Variants in RAD51B observed in about 807,000 individuals in gnomAD.
RAD51B encodes DNA repair protein RAD51 homolog 2.
RAD51B carries 38 observed loss-of-function variants against 42.2 expected under a neutral mutation model. The observed-to-expected ratio is 0.90, with a 90% CI of 0.70 to 1.18. RAD51B has a LOEUF of 1.18. RAD51B is among the 50% of genes most tolerant of loss of function. The pLI is 0.00. For missense variants in RAD51B, 373 were observed against 400.7 expected (o/e 0.93, Z 0.59); for synonymous variants, 154 against 145.2 (o/e 1.06, Z -0.43).
intron 7 of RAD51B, among the ~76,000 whole-genome samples, chr14:68,175,553 T>C (rs532387135): frequency 6.6e-6 from 1 of 152,306 alleles, no homozygotes; most frequent in East Asian, 1.9e-4. Flanking sequence ...ACATATTCTG[T>C]GATTCATTTC....
chr14:67,854,186 C>T (rs2041911094), intron 4 of RAD51B, among the ~76,000 whole-genome samples: 2 of 152,178 alleles, frequency 1.3e-5, no homozygotes, highest in African/African-American at 2.4e-5. Context: ...TACTGTATAT[C>T]TGTTTTTGTA....
intron 7 of RAD51B, among the ~76,000 whole-genome samples, chr14:68,248,772 G>C (rs191716021): frequency 2.4e-3 from 363 of 152,336 alleles, no homozygotes; most frequent in Non-Finnish European, 3.9e-3. Context: ...CTGTCTTTAA[G>C]ATTTCCATCT....
intron 5 of RAD51B, among the ~76,000 whole-genome samples, chr14:67,867,632 C>A (rs573322793): frequency 7.9e-5 from 12 of 152,152 alleles, no homozygotes; most frequent in Non-Finnish European, 1.6e-4. Flanking sequence ...AGAAGATCGT[C>A]GTAACAATCA....
chr14:68,224,572 T>C (rs994051126), intron 7 of RAD51B, among the ~76,000 whole-genome samples: 1 of 152,218 alleles, frequency 6.6e-6, no homozygotes, highest in African/African-American at 2.4e-5. Context: ...AAGTACTGTA[T>C]GCATAAGTAG....
intron 8 of RAD51B, among the ~76,000 whole-genome samples, chr14:68,381,848 A>T (rs533364002): frequency 1.3e-4 from 20 of 152,296 alleles, no homozygotes; most frequent in African/African-American, 4.1e-4. Context: ...ATTTAGGAGG[A>T]AACAGCTTCT....
At chr14:68,343,000 A>G (rs1439443807) in intron 8 of RAD51B, among the ~76,000 whole-genome samples, 1 of 146,244 alleles carries the variant, frequency 6.8e-6, no homozygotes, top group Non-Finnish European at 1.5e-5. Flanking sequence ...TTTTTTGCTT[A>G]TTTTTAAATT....
At chr14:68,125,313 G>C (rs1459806278) in intron 7 of RAD51B, 1 of 152,184 alleles carries the variant, frequency 6.6e-6, no homozygotes, top group East Asian at 1.9e-4. Flanking sequence ...ATTCCTCTCA[G>C]ATGCCAGATA....
intron 9 of RAD51B, among the ~76,000 whole-genome samples, chr14:68,450,479 G>A (rs1022210308): frequency 5.9e-5 from 9 of 152,084 alleles, no homozygotes; most frequent in Admixed American, 5.2e-4. Flanking sequence ...TTGGCCGCCC[G>A]AAGTGCTGGG....
At position 68,502,046 on chromosome 14, in the gene RAD51B, G is replaced by A. The variant is rs73280314; in HGVS notation, c.1036+33796G>A. Among the ~76,000 whole-genome samples the A allele has an allele frequency of 5.8e-3, 878 of 152,362 alleles. 14 individuals carry two copies. Among genetic ancestry groups the A allele is most frequent in the African/African-American group, 0.02 (818 of 41,584 alleles). Reference sequence around the variant, plus strand: ...CCGGTCACCTTTATCTGGGCTGGAAGGCCACGTCTGAGCCATCAAAGGAGC... The same window carrying A: ...CCGGTCACCTTTATCTGGGCTGGAAAGCCACGTCTGAGCCATCAAAGGAGC... On this transcript the variant is annotated intron_variant, in intron 10 of 10. Coordinates refer to the RAD51B transcript ENST00000487270.
chr14:67,928,730 G>C (rs746706640), intron 7 of RAD51B, among the ~76,000 whole-genome samples: 1 of 151,684 alleles, frequency 6.6e-6, no homozygotes, highest in African/African-American at 2.4e-5. Flanking sequence ...TCTTTAAGCC[G>C]CCTTTTCTGT....
chr14:67,967,552 T>C (rs994905978), intron 7 of RAD51B, among the ~76,000 whole-genome samples: 1 of 152,138 alleles, frequency 6.6e-6, no homozygotes, highest in African/African-American at 2.4e-5. Context: ...AGAAATTGGC[T>C]AAAACAAAGG....
intron 7 of RAD51B, among the ~76,000 whole-genome samples, chr14:67,914,591 AT>A (rs2044091189): frequency 6.6e-6 from 1 of 152,112 alleles, no homozygotes; most frequent in Non-Finnish European, 1.5e-5. Flanking sequence ...TTCTTTTATT[AT>A]GTCTAAATTT....
At chr14:68,511,877 A>AATTC (rs58039012) in intron 10 of RAD51B, among the ~76,000 whole-genome samples, 3,280 of 152,138 alleles carry the variant, frequency 0.022, 120 homozygotes, top group African/African-American at 0.071. Context: ...TTGATATTGT[A>AATTC]ATTCATTCAT....
chr14:67,863,113 A>G (rs1190695765), intron 4 of RAD51B, among the ~76,000 whole-genome samples: 5 of 151,332 alleles, frequency 3.3e-5, no homozygotes, highest in Admixed American at 3.3e-4. Context: ...TGATCATTGT[A>G]AAGATTATAA....
intron 7 of RAD51B, among the ~76,000 whole-genome samples, chr14:68,099,877 C>T (rs2077259702): frequency 6.6e-6 from 1 of 152,200 alleles, no homozygotes; most frequent in Non-Finnish European, 1.5e-5. Flanking sequence ...GCATTTAGAA[C>T]TGCCGAACAA....
chr14:68,129,462 T>C (rs1201988698), intron 7 of RAD51B, among the ~76,000 whole-genome samples: 1 of 152,176 alleles, frequency 6.6e-6, no homozygotes, highest in African/African-American at 2.4e-5. Context: ...TCTGGTTCAG[T>C]GTAGATACCA....
intron 10 of RAD51B, among the ~76,000 whole-genome samples, chr14:68,634,477 C>A (rs1295384674): frequency 2.0e-5 from 3 of 152,092 alleles, no homozygotes; most frequent in Non-Finnish European, 4.4e-5. Context: ...TGCTCAAAAG[C>A]CCGTCGCCTT....
intron 7 of RAD51B, among the ~76,000 whole-genome samples, chr14:68,265,932 G>C (rs1424437511): frequency 6.6e-6 from 1 of 152,176 alleles, no homozygotes; most frequent in Non-Finnish European, 1.5e-5. Context: ...AATTATAAAT[G>C]TAGCAGCATT....
chr14:68,318,671 C>T (rs1013050974), intron 8 of RAD51B, among the ~76,000 whole-genome samples: 2 of 152,172 alleles, frequency 1.3e-5, no homozygotes, highest in Non-Finnish European at 2.9e-5. Context: ...TCTCTGGGGT[C>T]AGTGTGAATA....
Sources: allele counts gnomAD v4.1 joint callset (sites outside exome capture counted in the v4.1 genomes callset), GRCh38; gene constraint gnomAD v4.1.1; transcripts MANE v1.5; gene names NCBI Gene and HGNC (gene_info 2026-07-23, HGNC 2026-07-21).